ARHGEF38: variants seen among roughly 807,000 people sequenced by gnomAD.
ARHGEF38 encodes the protein Rho guanine nucleotide exchange factor 38, also known as Rho guanine nucleotide exchange factor (GEF) 38.
A neutral mutation model predicts 79.9 loss-of-function variants in ARHGEF38; 79 were observed. The observed-to-expected ratio is 0.99, with a 90% CI of 0.82 to 1.19. The LOEUF (loss-of-function observed/expected upper bound fraction) is 1.19. Among genes scored for constraint, ARHGEF38 ranks in the 50% most tolerant of loss-of-function variants. The pLI is 0.00. For synonymous variants in ARHGEF38, 366 were observed against 328.3 expected, an observed-to-expected ratio of 1.11 and a Z score of -1.24; for missense variants, 962 against 907.2, an observed-to-expected ratio of 1.06 and a Z score of -0.78.
chr4:105,679,693 C>A lies in ARHGEF38; in HGVS notation c.*1756C>A, dbSNP rs1012755943. ...AACTAAATCCATTGTAGAAGGAACA[C>A]CTACACATTTAAAAGTAATTTGTGT... On this transcript the variant is annotated 3_prime_UTR_variant, in exon 14 of 14. Transcript: ENST00000420470. The A allele has an allele frequency of 1.0e-5, 8 of 792,686 alleles. No individual in the cohort carries two copies. The highest frequency in any genetic ancestry group is 4.6e-6 in the Non-Finnish European group (2 of 436,614). The allele number at this position is 792,686 out of a possible 1,614,324, so 49.1% of individuals were successfully genotyped here.
intron 7 of ARHGEF38, among the ~76,000 whole-genome samples, chr4:105,649,022 T>A (rs568736990): frequency 1.8e-4 from 28 of 152,198 alleles, no homozygotes; most frequent in Non-Finnish European, 3.1e-4. Context: ...ATATTCTCCC[T>A]CAAGGCAATG....
intron 13 of ARHGEF38, among the ~76,000 whole-genome samples, chr4:105,672,533 A>G (rs187016799): frequency 3.9e-5 from 6 of 152,306 alleles, no homozygotes; most frequent in Admixed American, 2.6e-4. Flanking sequence ...ATGCCTTCCC[A>G]TTCTAATGTA....
chr4:105,643,746 GTA>G (rs569116557), intron 5 of ARHGEF38, among the ~76,000 whole-genome samples: 114 of 152,104 alleles, frequency 7.5e-4, no homozygotes, highest in African/African-American at 2.7e-3. Flanking sequence ...AGTGACTAGT[GTA>G]TGTTTGTGAA....
intron 4 of ARHGEF38, among the ~76,000 whole-genome samples, chr4:105,635,716 G>A (rs1729369635): frequency 6.6e-6 from 1 of 152,070 alleles, no homozygotes; most frequent in Non-Finnish European, 1.5e-5. Context: ...TTGGGCAGGA[G>A]GTGGTGGTGG....
chr4:105,574,446 A>T (rs1466963002), intron 1 of ARHGEF38, among the ~76,000 whole-genome samples: 1 of 151,180 alleles, frequency 6.6e-6, no homozygotes, highest in Non-Finnish European at 1.5e-5. Flanking sequence ...AGCTACTTGG[A>T]GGCTGAGGCA....
chr4:105,566,474 T>C (rs999911786), intron 1 of ARHGEF38, among the ~76,000 whole-genome samples: 14 of 152,192 alleles, frequency 9.2e-5, no homozygotes, highest in African/African-American at 3.4e-4. Context: ...TTACATGAGA[T>C]ATTCTGATAC....
In ARHGEF38 at chr4:105,679,760, T is replaced by C; in HGVS notation, c.*1823T>C. 3 of 922,748 alleles carry C rather than the reference T, an allele frequency of 3.3e-6. No homozygotes were observed. In the South Asian group the frequency reaches 3.9e-5, roughly 12 times the overall value. The allele number at this position is 922,748 out of a possible 1,614,324, so 57.2% of individuals were successfully genotyped here. Reference sequence around the variant, plus strand: ...CTTAGTTGACCTTTCTCTTGGTTGATAAAAACATATACAAACCCCTGTCTG... The same window carrying C: ...CTTAGTTGACCTTTCTCTTGGTTGACAAAAACATATACAAACCCCTGTCTG... On this transcript the variant is annotated 3_prime_UTR_variant, in exon 14 of 14. Transcript: ENST00000420470.
intron 10 of ARHGEF38, among the ~76,000 whole-genome samples, chr4:105,663,502 TTC>T (rs1427834899): frequency 6.6e-6 from 1 of 152,176 alleles, no homozygotes; most frequent in Non-Finnish European, 1.5e-5. Flanking sequence ...TCATTCTATT[TTC>T]TGTTTCTACA....
chr4:105,599,338 T>G (rs955236469), intron 2 of ARHGEF38, among the ~76,000 whole-genome samples: 3 of 152,182 alleles, frequency 2.0e-5, no homozygotes, highest in African/African-American at 4.8e-5. Flanking sequence ...TCGATCAGAA[T>G]CTGCTGGACC....
intron 2 of ARHGEF38, among the ~76,000 whole-genome samples, chr4:105,597,810 T>G (rs1452835894): frequency 6.6e-6 from 1 of 152,180 alleles, no homozygotes; most frequent in African/African-American, 2.4e-5. Flanking sequence ...TCTCTCTGTT[T>G]CAATTTTTTT....
intron 13 of ARHGEF38, among the ~76,000 whole-genome samples, chr4:105,671,933 G>A (rs1730970163): frequency 6.6e-6 from 1 of 152,096 alleles, no homozygotes; most frequent in African/African-American, 2.4e-5. Flanking sequence ...ATGTTTCCAA[G>A]GGGTGTTGTA....
intron 7 of ARHGEF38, among the ~76,000 whole-genome samples, chr4:105,653,324 CTTTT>C (rs778409804): frequency 7.3e-6 from 1 of 136,520 alleles, no homozygotes. Context: ...TTTCACATTT[CTTTT>C]TTTTTTTTTT....
intron 13 of ARHGEF38, among the ~76,000 whole-genome samples, chr4:105,669,512 T>C (rs1004817532): frequency 3.3e-5 from 5 of 152,180 alleles, no homozygotes; most frequent in Non-Finnish European, 5.9e-5. Flanking sequence ...CCTTCAAAAG[T>C]ATGGTTCTAT....
At chr4:105,667,357 C>T (rs1317220946) in intron 12 of ARHGEF38, 30 bp downstream of exon 12, 7 of 1,533,630 alleles carry the variant, frequency 4.6e-6, no homozygotes, top group Non-Finnish European at 6.1e-6. Flanking sequence ...TACCACTCTT[C>T]TTTAAACTGA....
intron 1 of ARHGEF38, among the ~76,000 whole-genome samples, chr4:105,563,908 G>A (rs576786176): frequency 1.7e-4 from 26 of 152,096 alleles, no homozygotes; most frequent in Non-Finnish European, 2.2e-4. Context: ...CATTGAATAA[G>A]GTCCATACTT....
intron 6 of ARHGEF38, among the ~76,000 whole-genome samples, chr4:105,647,695 A>G (rs1729909156): frequency 1.3e-5 from 2 of 152,082 alleles, no homozygotes; most frequent in South Asian, 4.1e-4. Context: ...ATCTCCCTAC[A>G]CTTTTACCAA....
chr4:105,562,752 G>T (rs970710804), intron 1 of ARHGEF38, among the ~76,000 whole-genome samples: 1 of 152,176 alleles, frequency 6.6e-6, no homozygotes, highest in Non-Finnish European at 1.5e-5. Flanking sequence ...AGGGCCTGAA[G>T]TATACTGCAA....
At chr4:105,588,236 C>A (rs967928705) in intron 1 of ARHGEF38, among the ~76,000 whole-genome samples, 1 of 152,164 alleles carries the variant, frequency 6.6e-6, no homozygotes, top group Non-Finnish European at 1.5e-5. Flanking sequence ...TGTAAAGTCC[C>A]ACATTCTCAG....
intron 1 of ARHGEF38, among the ~76,000 whole-genome samples, chr4:105,577,519 G>T (rs1057316171): frequency 6.6e-6 from 1 of 151,840 alleles, no homozygotes; most frequent in Non-Finnish European, 1.5e-5. Context: ...ATGTCTGATA[G>T]AATTCAGCTG....
Sources: allele counts gnomAD v4.1 joint callset (sites outside exome capture counted in the v4.1 genomes callset), GRCh38; gene constraint gnomAD v4.1.1; transcripts MANE v1.5; gene names NCBI Gene and HGNC (gene_info 2026-07-23, HGNC 2026-07-21).